CPNE3: variants seen among roughly 807,000 people sequenced by gnomAD.
The protein encoded by CPNE3 is copine-3.
CPNE3 carries 68 observed loss-of-function variants against 63.9 expected under a neutral mutation model. The ratio of observed to expected loss-of-function variants is 1.06; its 90% CI spans 0.87 to 1.30. CPNE3 has a LOEUF of 1.30. CPNE3 is among the 50% of genes most tolerant of loss of function. The pLI is 0.00. For synonymous variants in CPNE3, 219 were observed against 197.5 expected (o/e 1.11, Z -0.91); for missense variants, 665 against 578.1 (o/e 1.15, Z -1.54).
Position 86,554,861 on chromosome 8 carries a change from C to T in CPNE3, c.1131C>T (p.Gly377=), listed in dbSNP as rs1471720574. 5.0e-6 allele frequency: 8 copies of T among 1,613,700 alleles called. No individual in the cohort carries two copies. Among genetic ancestry groups the T allele is most frequent in the Non-Finnish European group, 6.8e-6 (8 of 1,179,808 alleles). Reference sequence around the variant, plus strand: ...GTTTGTTTGTTCTAGGAATCCAAGGCATTGTAGAGGCGTATCGGTCTTGTC... The same window carrying T: ...GTTTGTTTGTTCTAGGAATCCAAGGTATTGTAGAGGCGTATCGGTCTTGTC... ...PSNPYCNGIQ[G]IVEAYRSCLP... Residue 377 remains glycine (G), a synonymous_variant, in exon 15 of 17, where the codon GGC becomes GGT. Coordinates refer to ENST00000517490, the MANE Select transcript of CPNE3 (RefSeq NM_003909.5).
intron 8 of CPNE3, among the ~76,000 whole-genome samples, chr8:86,542,820 T>C (rs1469860200): frequency 6.6e-6 from 1 of 151,992 alleles, no homozygotes; most frequent in Non-Finnish European, 1.5e-5. Context: ...TATATATTTA[T>C]TATAGTGAGT....
intron 16 of CPNE3, 131 bp downstream of exon 16, chr8:86,556,469 G>A: frequency 1.4e-6 from 1 of 701,636 alleles, no homozygotes; most frequent in South Asian, 1.6e-5. Flanking sequence ...CCATTTGAGA[G>A]CTCCGATTTG....
intron 2 of CPNE3, chr8:86,521,524 ATTG>A (rs1820433978): frequency 6.6e-6 from 1 of 152,156 alleles, no homozygotes; most frequent in South Asian, 2.1e-4. Flanking sequence ...ATTTTTTGAT[ATTG>A]TTTTTAATTG....
At chr8:86,534,328 G>T (rs547521482) in intron 6 of CPNE3, among the ~76,000 whole-genome samples, 3 of 152,214 alleles carry the variant, frequency 2.0e-5, no homozygotes, top group Admixed American at 2.0e-4. Flanking sequence ...CGGGAAGTTT[G>T]TGATCATTGA....
At chr8:86,548,251 C>G in intron 11 of CPNE3, 50 bp from the exon 12 acceptor site, 1 of 1,600,776 alleles carries the variant, frequency 6.2e-7, no homozygotes, top group Non-Finnish European at 8.5e-7. Context: ...ACATCAAGCA[C>G]AGGTGTCCCT....
chr8:86,546,989 G>T (rs1009837857), intron 10 of CPNE3, among the ~76,000 whole-genome samples: 1 of 152,174 alleles, frequency 6.6e-6, no homozygotes, highest in Non-Finnish European at 1.5e-5. Context: ...GATTACAGGT[G>T]TGAGCCACCG....
intron 2 of CPNE3, among the ~76,000 whole-genome samples, chr8:86,528,027 C>T (rs1459392050): frequency 2.2e-5 from 3 of 134,650 alleles, no homozygotes; most frequent in African/African-American, 8.3e-5. Context: ...TAGCTCACTA[C>T]AGGCTCAATC....
Position 86,546,619 on chromosome 8 carries a change from A to C in CPNE3, c.757A>C (p.Lys253Gln). The change falls in exon 10 of 17, where the codon AAA (lysine) becomes CAA (glutamine). Residue 253 changes from lysine to glutamine, a missense_variant. Coordinates refer to ENST00000517490, the MANE Select transcript of CPNE3 (RefSeq NM_003909.5). ...SPVEFECINE[K>Q]KRQKKKSYKN... ...GGTTGAATTTGAATGCATAAATGAG[A>C]AAAAAAGGCAAAAGAAAAAAAGCTA... 2 of 1,611,792 alleles carry C rather than the reference A, an allele frequency of 1.2e-6. No individual in the cohort carries two copies. The highest frequency in any genetic ancestry group is 1.7e-6 in the Non-Finnish European group (2 of 1,178,996).
rs773368080 is a variant in CPNE3, at chr8:86,558,346, G to A, written c.1550G>A (p.Gly517Asp). 2.3e-5 allele frequency: 20 copies of A among 872,838 alleles called. No individual in the cohort carries two copies. The East Asian group carries it at 4.6e-4, about 20-fold the overall frequency. The allele number at this position is 872,838 out of a possible 1,614,324, so 54.1% of individuals were successfully genotyped here. A position where few individuals can be genotyped will look rare whatever the true frequency, so the allele number is the denominator to read the frequency against. Residue 517 changes from glycine (G) to aspartate (D), a missense_variant, in exon 17 of 17, where the codon GGC (glycine) becomes GAC (aspartate). Coordinates refer to ENST00000517490, the MANE Select transcript of CPNE3 (RefSeq NM_003909.5). ...VLAEIPQQVVGYFNTYKLLPP... is the reference protein window; with the variant it reads ...VLAEIPQQVVDYFNTYKLLPP... ...GCAGAGATTCCCCAGCAGGTGGTGG[G>A]CTACTTCAATACATACAAACTCCTT...
At chr8:86,555,030 C>T in intron 15 of CPNE3, 46 bp downstream of exon 15, 4 of 1,609,670 alleles carry the variant, frequency 2.5e-6, no homozygotes, top group Non-Finnish European at 3.4e-6. Context: ...GGATTGGTAG[C>T]AGCTCCTGGT....
intron 12 of CPNE3, among the ~76,000 whole-genome samples, chr8:86,548,773 A>G (rs1821109413): frequency 1.3e-5 from 2 of 152,136 alleles, no homozygotes; most frequent in Non-Finnish European, 1.5e-5. Context: ...TGTATGAGTG[A>G]TTGAAGCCCA....
At chr8:86,515,929 C>A (rs137932978) in intron 2 of CPNE3, among the ~76,000 whole-genome samples, 3 of 151,966 alleles carry the variant, frequency 2.0e-5, no homozygotes, top group African/African-American at 7.3e-5. Flanking sequence ...GGATGGGAAA[C>A]GAAAAGGGAA....
At chr8:86,535,046 C>G (rs1307175668) in intron 6 of CPNE3, among the ~76,000 whole-genome samples, 1 of 150,288 alleles carries the variant, frequency 6.7e-6, no homozygotes, top group Non-Finnish European at 1.5e-5. Context: ...GACCATTTAA[C>G]ACAACTCCAG....
chr8:86,554,121 A>G (rs1016301947), intron 14 of CPNE3: 1 of 152,288 alleles, frequency 6.6e-6, no homozygotes, highest in East Asian at 1.9e-4. Flanking sequence ...GAAAGGAGCA[A>G]GAGAGCTGGA....
chr8:86,525,568 C>G (rs1820524430), intron 2 of CPNE3, among the ~76,000 whole-genome samples: 1 of 152,140 alleles, frequency 6.6e-6, no homozygotes, highest in Non-Finnish European at 1.5e-5. Context: ...TAACTGTCAG[C>G]AATTGGTTAA....
chr8:86,542,409 G>A (rs1820960702), intron 8 of CPNE3, among the ~76,000 whole-genome samples: 1 of 152,086 alleles, frequency 6.6e-6, no homozygotes, highest in Admixed American at 6.5e-5. Flanking sequence ...CTGCCACTTT[G>A]CCTAAAATGG....
intron 2 of CPNE3, among the ~76,000 whole-genome samples, chr8:86,522,404 G>A (rs1258039678): frequency 6.6e-6 from 1 of 152,066 alleles, no homozygotes; most frequent in East Asian, 1.9e-4. Context: ...AAGCGCTTCT[G>A]TTGCTGTATA....
chr8:86,549,156 T>C (rs72690475), intron 12 of CPNE3, among the ~76,000 whole-genome samples: 8,267 of 152,300 alleles, frequency 0.054, 316 homozygotes, highest in Non-Finnish European at 0.087. Flanking sequence ...TATTATTTTA[T>C]TTACATATTG....
intron 2 of CPNE3, among the ~76,000 whole-genome samples, chr8:86,524,528 T>A (rs1315648223): frequency 6.6e-6 from 1 of 152,152 alleles, no homozygotes; most frequent in African/African-American, 2.4e-5. Flanking sequence ...ATCCTAGGGA[T>A]TATTTGTGTT....
Sources: gnomAD v4.1 joint callset for allele counts (sites outside exome capture counted in the v4.1 genomes callset) on GRCh38, gnomAD v4.1.1 for gene constraint, MANE v1.5 for transcripts, NCBI Gene and HGNC (gene_info 2026-07-23, HGNC 2026-07-21) for gene names.